Variants in MYLK observed in about 807,000 individuals in gnomAD.
The protein encoded by MYLK is myosin light chain kinase.
MYLK carries 106 observed loss-of-function variants against 203.4 expected under a neutral mutation model. The observed-to-expected ratio is 0.52, with a 90% confidence interval of 0.45 to 0.61. MYLK has a LOEUF of 0.61. MYLK is among the 20% of genes least tolerant of loss of function. The pLI is 0.00. For synonymous variants in MYLK, 867 were observed against 959.5 expected (o/e 0.90, Z 1.78); for missense variants, 2,072 against 2,442.3 (o/e 0.85, Z 3.20).
At chr3:123,650,707 C>G (rs1356920576) in intron 24 of MYLK, among the ~76,000 whole-genome samples, 1 of 152,150 alleles carries the variant, frequency 6.6e-6, no homozygotes. Context: ...GTGGGCCTAA[C>G]TGGTCAATAT....
At position 123,648,099 on chromosome 3, in the gene MYLK, T is replaced by C. The variant is rs1456284174; in HGVS notation, c.4416-672A>G. Among the ~76,000 whole-genome samples the C allele has an allele frequency of 1.3e-5, 2 of 152,210 alleles. No homozygotes were observed. Among genetic ancestry groups the C allele is most frequent in the Non-Finnish European group, 2.9e-5 (2 of 68,038 alleles). On this transcript the variant is annotated intron_variant, in intron 26 of 33. Coordinates refer to ENST00000360304, the MANE Select transcript of MYLK (RefSeq NM_053025.4). This position sits in a 1 kb window ranked among gnomAD's most constrained non-coding sequence, Gnocchi z 4.5. ...GGGCTCCTCTGTGATGGCACTGACT[T>C]CTTTCTGACACTGTTACCCAGTTTG...
chr3:123,858,429 T>C (rs1269884318), intron 2 of MYLK, among the ~76,000 whole-genome samples: 3 of 152,058 alleles, frequency 2.0e-5, no homozygotes, highest in Non-Finnish European at 4.4e-5. Context: ...TACCAGAAAC[T>C]AAGGAGTAAG....
intron 4 of MYLK, among the ~76,000 whole-genome samples, chr3:123,782,030 A>G (rs1182428441): frequency 1.3e-5 from 2 of 152,188 alleles, no homozygotes; most frequent in South Asian, 2.1e-4. Flanking sequence ...GAGAACACAC[A>G]CTACAACAGA....
intron 3 of MYLK, among the ~76,000 whole-genome samples, chr3:123,819,931 T>C (rs2109289301): frequency 6.6e-6 from 1 of 152,096 alleles, no homozygotes; most frequent in Non-Finnish European, 1.5e-5. Flanking sequence ...ACCCTCCTTC[T>C]AAATCTAGTC....
chr3:123,771,594 T>A (rs1309761891), intron 4 of MYLK, among the ~76,000 whole-genome samples: 1 of 152,246 alleles, frequency 6.6e-6, no homozygotes, highest in African/African-American at 2.4e-5. Flanking sequence ...TAGTAATTTT[T>A]GTTCAATGAT....
chr3:123,707,671 T>C, intron 16 of MYLK, 83 bp downstream of exon 16: 1 of 1,609,088 alleles, frequency 6.2e-7, no homozygotes, highest in South Asian at 1.1e-5. Context: ...TTTGTGCTTC[T>C]TCTGGCTGCC....
intron 4 of MYLK, among the ~76,000 whole-genome samples, chr3:123,768,831 C>T (rs2063785608): frequency 1.3e-5 from 2 of 152,156 alleles, no homozygotes; most frequent in Admixed American, 1.3e-4. Flanking sequence ...GGATAGGGGC[C>T]TTAGAAATAT....
chr3:123,784,376 C>CTTTTTTTTT (rs576849217), intron 4 of MYLK, among the ~76,000 whole-genome samples: 3 of 78,692 alleles, frequency 3.8e-5, no homozygotes, highest in East Asian at 4.5e-4. Context: ...GGTTGACTTT[C>CTTTTTTTTT]TTTTTTTTTT....
chr3:123,709,307 AT>A (rs776333556), intron 14 of MYLK: 5 of 235,668 alleles, frequency 2.1e-5, no homozygotes, highest in Non-Finnish European at 3.4e-5. Context: ...CACCCAGCTA[AT>A]TTTTTGTATT....
chr3:123,721,838 G>A (rs1676362548), intron 13 of MYLK, among the ~76,000 whole-genome samples: 1 of 146,630 alleles, frequency 6.8e-6, no homozygotes, highest in Non-Finnish European at 1.5e-5. Flanking sequence ...TGAGGAAAAG[G>A]CCACCTCTGA....
At chr3:123,676,662 G>C (rs1431509550) in intron 20 of MYLK, among the ~76,000 whole-genome samples, 1 of 152,210 alleles carries the variant, frequency 6.6e-6, no homozygotes, top group Non-Finnish European at 1.5e-5. Flanking sequence ...GACTGCAAAG[G>C]GATGTTCCAT....
rs113521300 is a variant in MYLK at position 123,765,674 on chromosome 3, T to C, written c.166-13136A>G. On this transcript the variant is annotated intron_variant, in intron 4 of 33. Coordinates refer to ENST00000360304, the MANE Select transcript of MYLK (RefSeq NM_053025.4). ...ATAAATGGACAAGCAAAATATGATA[T>C]ATGTGTACAATGGGATATTATTCAG... Among the ~76,000 whole-genome samples, 835 of 152,262 alleles carry C rather than the reference T, an allele frequency of 5.5e-3. 11 individuals carry two copies. Among genetic ancestry groups the C allele is most frequent in the African/African-American group, 0.019 (794 of 41,542 alleles).
chr3:123,673,544 T>G (rs1560052137), intron 20 of MYLK, among the ~76,000 whole-genome samples: 1 of 152,122 alleles, frequency 6.6e-6, no homozygotes, highest in East Asian at 1.9e-4. Context: ...GTTGGTCAGT[T>G]CAGCCTTACA....
At chr3:123,738,042 G>A (rs768124007) in intron 7 of MYLK, among the ~76,000 whole-genome samples, 31 of 105,326 alleles carry the variant, frequency 2.9e-4, no homozygotes, top group Admixed American at 2.2e-4. Context: ...CTCCCTGCCC[G>A]CCCACCTCTC....
chr3:123,868,406 G>A (rs954583110), intron 2 of MYLK, among the ~76,000 whole-genome samples: 2 of 152,120 alleles, frequency 1.3e-5, no homozygotes, highest in Non-Finnish European at 2.9e-5. Context: ...CATTAATTGT[G>A]GAACAATTAA....
chr3:123,819,720 TC>T (rs2065857410), intron 3 of MYLK, among the ~76,000 whole-genome samples: 1 of 152,086 alleles, frequency 6.6e-6, no homozygotes, highest in African/African-American at 2.4e-5. Flanking sequence ...TTCTTATTAT[TC>T]CTGTTGATTT....
intron 19 of MYLK, among the ~76,000 whole-genome samples, chr3:123,682,574 C>T (rs541994455): frequency 1.3e-5 from 2 of 152,352 alleles, no homozygotes; most frequent in African/African-American, 4.8e-5. Flanking sequence ...ACAGGCTGCC[C>T]AGGGAGCTTG....
At chr3:123,850,353 C>G (rs1328564904) in intron 2 of MYLK, among the ~76,000 whole-genome samples, 2 of 152,204 alleles carry the variant, frequency 1.3e-5, no homozygotes, top group Non-Finnish European at 1.5e-5. Flanking sequence ...AGTTTACAAT[C>G]CCACCAACAG....
rs1240520640 is a variant in MYLK at position 123,778,258 on chromosome 3, G to A, written c.165+15419C>T. On this transcript the variant is annotated intron_variant, in intron 4 of 33. Transcript: ENST00000360304. Reference sequence around the variant, plus strand: ...CATATATGGTATAGAGTATAACTGTGGTATTAAATTTGCACTAGGGGATTC... The same window carrying A: ...CATATATGGTATAGAGTATAACTGTAGTATTAAATTTGCACTAGGGGATTC... Among the ~76,000 whole-genome samples the A allele has an allele frequency of 2.6e-5, 4 of 151,938 alleles. No individual in the cohort carries two copies. The East Asian group carries it at 5.8e-4, about 22-fold the overall frequency.
Sources: allele counts gnomAD v4.1 joint callset (sites outside exome capture counted in the v4.1 genomes callset), GRCh38; gene constraint gnomAD v4.1.1; non-coding constraint Gnocchi (gnomAD v3.1); transcripts MANE v1.5; gene names NCBI Gene and HGNC (gene_info 2026-07-23, HGNC 2026-07-21).